Variants in PRAP1 observed in about 807,000 individuals in gnomAD.
The protein encoded by PRAP1 is proline rich acidic protein 1.
PRAP1 carries 12 observed loss-of-function variants against 14.6 expected under a neutral mutation model. The ratio of observed to expected loss-of-function variants is 0.82; its 90% CI spans 0.53 to 1.33. The LOEUF is 1.33. PRAP1 is among the 40% of genes most tolerant of loss of function. The pLI is 0.00. For missense variants in PRAP1, 160 were observed against 193.7 expected (o/e 0.83, Z 1.03); for synonymous variants, 81 against 80.3 (o/e 1.01, Z -0.04).
Position 133,352,551 on chromosome 10 carries a change from C to A in PRAP1, c.*111C>A, listed in dbSNP as rs886538434. ...CAAATAAACCCCAGCAGGCCGGGCG[C>A]GGTGGCTCACCTCTGTAATCCCAGC... On this transcript the variant is annotated 3_prime_UTR_variant, in exon 5 of 5. Transcript: ENST00000433452. 5.4e-6 allele frequency: 5 copies of A among 920,846 alleles called. No homozygotes were observed. The African/African-American group carries it at 6.7e-5, about 12-fold the overall frequency. The allele number at this position is 920,846 out of a possible 1,614,324, so 57.0% of individuals were successfully genotyped here.
Position 133,351,308 on chromosome 10 carries a change from G to C in PRAP1, c.76-73G>C. 1 of 1,267,022 alleles carries C rather than the reference G, an allele frequency of 7.9e-7. No individual in the cohort carries two copies. The highest frequency in any genetic ancestry group is 1.1e-6 in the Non-Finnish European group (1 of 898,292). The allele number at this position is 1,267,022 out of a possible 1,614,324, so 78.5% of individuals were successfully genotyped here. ...CCCCATGCAGCCCCAGGTGGGCCTC[G>C]GAGCAACCTCTCCCCAGGTGTCCTC... On this transcript the variant is annotated intron_variant, in intron 2 of 4. Coordinates refer to ENST00000433452, the MANE Select transcript of PRAP1 (RefSeq NM_145202.5). The surrounding 1 kb of genome is among the most constrained non-coding windows in gnomAD (Gnocchi z 4.3).
chr10:133,350,257 C>T (rs1036086436), intron 2 of PRAP1, 96 bp downstream of exon 2: 2 of 1,124,978 alleles, frequency 1.8e-6, no homozygotes, highest in Non-Finnish European at 2.6e-6. Flanking sequence ...CTTCTGGCTT[C>T]AAACCCCAAG....
Position 133,351,483 on chromosome 10 carries a change from G to A in PRAP1, c.128+50G>A. On this transcript the variant is annotated intron_variant, in intron 3 of 4. Coordinates refer to ENST00000433452, the MANE Select transcript of PRAP1 (RefSeq NM_145202.5). This position sits in a 1 kb window ranked among gnomAD's most constrained non-coding sequence, Gnocchi z 4.3. Reference sequence around the variant, plus strand: ...CCACCACCCATTCCCTGAAGCTACAGCCCGTTCTGCTGGGCCCTTCCTGAA... The same window carrying A: ...CCACCACCCATTCCCTGAAGCTACAACCCGTTCTGCTGGGCCCTTCCTGAA... 1 of 1,409,002 alleles carries A rather than the reference G, an allele frequency of 7.1e-7. No individual in the cohort carries two copies. The highest frequency in any genetic ancestry group is 1.4e-5 in the African/African-American group (1 of 71,086). The allele number at this position is 1,409,002 out of a possible 1,614,324, so 87.3% of individuals were successfully genotyped here.
rs184774679 is a variant in PRAP1 at position 133,351,942 on chromosome 10, C to T, written c.129-65C>T. The T allele has an allele frequency of 7.0e-6, 11 of 1,575,042 alleles. No individual in the cohort carries two copies. Among genetic ancestry groups the T allele is most frequent in the Non-Finnish European group, 9.4e-6 (11 of 1,164,972 alleles). The stretch of plus-strand genomic sequence containing the variant: ...TGGCTGCCCTGGGATGGTGGGCACC[C>T]TCCTGCGGGGGGTTCTGTCCACCTC... On this transcript the variant is annotated intron_variant, in intron 3 of 4. Transcript: ENST00000433452. The surrounding 1 kb of genome is among the most constrained non-coding windows in gnomAD (Gnocchi z 4.3).
chr10:133,348,338 G>A (rs540506780), intron 1 of PRAP1, among the ~76,000 whole-genome samples: 25 of 152,232 alleles, frequency 1.6e-4, no homozygotes, highest in Middle Eastern at 3.4e-3. Context: ...CGGGCTGTCC[G>A]GGGCATCCCC....
Position 133,347,695 on chromosome 10 carries a change from G to A in PRAP1, c.8+270G>A, listed in dbSNP as rs1217237103. Among the ~76,000 whole-genome samples the A allele has an allele frequency of 6.6e-6, 1 of 151,984 alleles. No individual in the cohort carries two copies. The highest frequency in any genetic ancestry group is 6.6e-5 in the Admixed American group (1 of 15,260). ...CCCACCCGGAACAAGGAAAGGGGAG[G>A]TGCCAGGCTGAAACCAGCAGGCCTG... On this transcript the variant is annotated intron_variant, in intron 1 of 4. Coordinates refer to ENST00000433452, the MANE Select transcript of PRAP1 (RefSeq NM_145202.5). The surrounding 1 kb of genome is among the most constrained non-coding windows in gnomAD (Gnocchi z 5.0).
chr10:133,352,299 C>G lies in PRAP1; in HGVS notation c.315C>G (p.Pro105=), dbSNP rs778021545. 1.6e-5 allele frequency: 26 copies of G among 1,612,936 alleles called. No individual in the cohort carries two copies. Among genetic ancestry groups the G allele is most frequent in the Non-Finnish European group, 2.1e-5 (25 of 1,179,960 alleles). ...TEDTLGHVLS[P]EPDHDSLYHP... is the part of the protein sequence containing the mutation. ...ACACCCTGGGCCATGTCCTGAGTCC[C>G]GAGCCCGACCATGACAGCCTGTACC... Residue 105 remains proline (P), a synonymous_variant, in exon 5 of 5, where the codon CCC becomes CCG. Transcript: ENST00000433452.
At position 133,350,128 on chromosome 10, in the gene PRAP1, G is replaced by A; in HGVS notation, c.42G>A (p.Leu14=). 6.2e-7 allele frequency: 1 copy of A among 1,613,544 alleles called. No individual in the cohort carries two copies. The highest frequency in any genetic ancestry group is 8.5e-7 in the Non-Finnish European group (1 of 1,179,818). The change falls in exon 2 of 5, where the codon CTG becomes CTA. Residue 14 remains leucine (L), a synonymous_variant. Transcript: ENST00000433452. ...TGGTCACCAGCCTGGTGGTTGTGCT[G>A]CTGTGGGAGGCAGGTGCAGTCCCAG... ...LLLVTSLVVV[L]LWEAGAVPAP...
chr10:133,350,217 T>A, intron 2 of PRAP1, 56 bp downstream of exon 2: 1 of 1,490,828 alleles, frequency 6.7e-7, no homozygotes, highest in Non-Finnish European at 9.3e-7. Flanking sequence ...CTTCTGCCCC[T>A]ACAGCAGGGG....
chr10:133,352,428 C>G lies in PRAP1; in HGVS notation c.444C>G (p.Tyr148Ter), dbSNP rs147251039. Residue 148 changes from tyrosine to a stop codon, truncating the protein, a stop_gained, in exon 5 of 5, where the codon TAC becomes TAG. Transcript: ENST00000433452. LOFTEE classifies it high-confidence loss of function. ...CGGAGGAAGACCAAGACCACATCTA[C>G]CACCCCCAGTAGGGCTCCAGGGGCC... ...LGPEEDQDHI[Y>*]HPQ 5 of 1,612,360 alleles carry G rather than the reference C, an allele frequency of 3.1e-6. No individual in the cohort carries two copies. Among genetic ancestry groups the G allele is most frequent in the Non-Finnish European group, 4.2e-6 (5 of 1,179,722 alleles).
chr10:133,350,265 A>C, intron 2 of PRAP1, 104 bp downstream of exon 2: 11 of 1,028,754 alleles, frequency 1.1e-5, no homozygotes, highest in Non-Finnish European at 1.6e-5. Flanking sequence ...TTCAAACCCC[A>C]AGCTGGCTTA....
At position 133,347,429 on chromosome 10, in the gene PRAP1, A is replaced by C. The variant is rs777567390; in HGVS notation, c.8+4A>C. On this transcript the variant is annotated splice_donor_region_variant and intron_variant, in intron 1 of 4. Transcript: ENST00000433452. This position sits in a 1 kb window ranked among gnomAD's most constrained non-coding sequence, Gnocchi z 5.0. ...CGCGGACCCCAGACATGAGGAGGTA[A>C]TGCCACCATCCCTGAGCCCCAATCC... 1 of 1,612,018 alleles carries C rather than the reference A, an allele frequency of 6.2e-7. No homozygotes were observed. Among genetic ancestry groups the C allele is most frequent in the Non-Finnish European group, 8.5e-7 (1 of 1,178,860 alleles).
rs57932857 is a variant in PRAP1 at position 133,347,494 on chromosome 10, G to A, written c.8+69G>A. 2,033 of 1,523,816 alleles carry A rather than the reference G, an allele frequency of 1.3e-3. 40 individuals carry two copies. The African/African-American group carries it at 0.025, about 19-fold the overall frequency. The allele number at this position is 1,523,816 out of a possible 1,614,324, so 94.4% of individuals were successfully genotyped here. The stretch of plus-strand genomic sequence containing the variant: ...CCTGGAGGCCTGGCCCTTAGCCAGA[G>A]GGGGCCCAGCTGTGCTGCGCTCCAG... On this transcript the variant is annotated intron_variant, in intron 1 of 4. Coordinates refer to ENST00000433452, the MANE Select transcript of PRAP1 (RefSeq NM_145202.5). This position sits in a 1 kb window ranked among gnomAD's most constrained non-coding sequence, Gnocchi z 5.0.
rs767435227 is a variant in PRAP1 at position 133,351,375 on chromosome 10, C to G, written c.76-6C>G. On this transcript the variant is annotated splice_region_variant and splice_polypyrimidine_tract_variant and intron_variant, in intron 2 of 4. Coordinates refer to ENST00000433452, the MANE Select transcript of PRAP1 (RefSeq NM_145202.5). This position sits in a 1 kb window ranked among gnomAD's most constrained non-coding sequence, Gnocchi z 4.3. ...GGCCCAGCCCACACCTGTGACTCTC[C>G]CCCAGGTCCCTATCAAGATGCAAGT... The G allele has an allele frequency of 1.9e-5, 30 of 1,611,002 alleles. No individual in the cohort carries two copies. Among genetic ancestry groups the G allele is most frequent in the Middle Eastern group, 3.3e-4 (2 of 6,070 alleles).
In PRAP1 at chr10:133,347,533, G is replaced by A; in HGVS notation, c.8+108G>A. The A allele has an allele frequency of 4.1e-6, 5 of 1,212,404 alleles. No individual in the cohort carries two copies. The South Asian group carries it at 7.5e-5, about 18-fold the overall frequency. The allele number at this position is 1,212,404 out of a possible 1,614,324, so 75.1% of individuals were successfully genotyped here. A position where few individuals can be genotyped will look rare whatever the true frequency, so the allele number is the denominator to read the frequency against. On this transcript the variant is annotated intron_variant, in intron 1 of 4. Coordinates refer to ENST00000433452, the MANE Select transcript of PRAP1 (RefSeq NM_145202.5). The surrounding 1 kb of genome is among the most constrained non-coding windows in gnomAD (Gnocchi z 5.0). ...GCTGCGCTCCAGGGGGCCTGGTTCA[G>A]GGGAGTGTGCGGGTGGGAGGGAGAA...
In PRAP1 at chr10:133,351,122, G is replaced by C. The variant is rs772052708; in HGVS notation, c.76-259G>C. The stretch of plus-strand genomic sequence containing the variant: ...CCAGGTTACATCCCAGTCCTGTGCT[G>C]CCCCAGACCCGGCCAGAATTCCAGG... On this transcript the variant is annotated intron_variant, in intron 2 of 4. Coordinates refer to ENST00000433452, the MANE Select transcript of PRAP1 (RefSeq NM_145202.5). This position sits in a 1 kb window ranked among gnomAD's most constrained non-coding sequence, Gnocchi z 4.3. Among the ~76,000 whole-genome samples, 1 of 152,158 alleles carries C rather than the reference G, an allele frequency of 6.6e-6. No homozygotes were observed. Among genetic ancestry groups the C allele is most frequent in the Non-Finnish European group, 1.5e-5 (1 of 68,024 alleles).
chr10:133,352,508 T>G lies in PRAP1; in HGVS notation c.*68T>G. The G allele has an allele frequency of 7.3e-7, 1 of 1,375,294 alleles. No individual in the cohort carries two copies. Among genetic ancestry groups the G allele is most frequent in the Non-Finnish European group, 1.0e-6 (1 of 987,880 alleles). The allele number at this position is 1,375,294 out of a possible 1,614,324, so 85.2% of individuals were successfully genotyped here. A position where few individuals can be genotyped will look rare whatever the true frequency, so the allele number is the denominator to read the frequency against. ...AGGCTGTTGGGACTGGGACCCTCCC[T>G]ACCCTGCCCCAGCTAGACAAATAAA... is the stretch of plus-strand genomic sequence containing the variant. On this transcript the variant is annotated 3_prime_UTR_variant, in exon 5 of 5. Coordinates refer to ENST00000433452, the MANE Select transcript of PRAP1 (RefSeq NM_145202.5).
At position 133,351,268 on chromosome 10, in the gene PRAP1, CTGCAG is replaced by C; in HGVS notation, c.76-112_76-108del. On this transcript the variant is annotated intron_variant, in intron 2 of 4. Transcript: ENST00000433452. This position sits in a 1 kb window ranked among gnomAD's most constrained non-coding sequence, Gnocchi z 4.3. The stretch of plus-strand genomic sequence containing the variant: ...GCTGAGCTGGCCCTGCCCCCACCCC[CTGCAG>C]CCACCTCCACCCCATGCAGCCCCAG... 1.5e-6 allele frequency: 1 copy of C among 685,854 alleles called. No homozygotes were observed. Among genetic ancestry groups the C allele is most frequent in the Non-Finnish European group, 2.5e-6 (1 of 395,350 alleles). The allele number at this position is 685,854 out of a possible 1,614,324, so 42.5% of individuals were successfully genotyped here. A position where few individuals can be genotyped will look rare whatever the true frequency, so the allele number is the denominator to read the frequency against.
In PRAP1 at chr10:133,352,551, C is replaced by T. The variant is rs886538434; in HGVS notation, c.*111C>T. ...CAAATAAACCCCAGCAGGCCGGGCG[C>T]GGTGGCTCACCTCTGTAATCCCAGC... On this transcript the variant is annotated 3_prime_UTR_variant, in exon 5 of 5. Transcript: ENST00000433452. The T allele has an allele frequency of 2.0e-5, 18 of 920,726 alleles. No homozygotes were observed. Among genetic ancestry groups the T allele is most frequent in the African/African-American group, 1.7e-4 (10 of 59,644 alleles). 57.0% of individuals were successfully genotyped at this position (920,726 alleles called of 1,614,324 possible). A position where few individuals can be genotyped will look rare whatever the true frequency, so the allele number is the denominator to read the frequency against.
Sources: allele counts gnomAD v4.1 joint callset (sites outside exome capture counted in the v4.1 genomes callset), GRCh38; gene constraint gnomAD v4.1.1; non-coding constraint Gnocchi (gnomAD v3.1); transcripts MANE v1.5; gene names NCBI Gene and HGNC (gene_info 2026-07-23, HGNC 2026-07-21).